The following SEC61A1 variants were observed in gnomAD, a reference collection of about 807,000 sequenced individuals.
SEC61A1 encodes the protein SEC61 translocon subunit alpha 1.
Under a neutral mutation model 55.2 loss-of-function variants are expected in SEC61A1, and 15 were observed. The observed-to-expected ratio is 0.27, with a 90% confidence interval of 0.18 to 0.42. The LOEUF is 0.42. Ranked by LOEUF, SEC61A1 falls within the 10% of genes least tolerant of loss-of-function variation. SEC61A1 has a pLI of 1.00. For missense variants in SEC61A1, 284 were observed against 602.6 expected, an observed-to-expected ratio of 0.47 and a Z score of 5.53; for synonymous variants, 247 against 234.0, an observed-to-expected ratio of 1.06 and a Z score of -0.51.
At position 128,056,854 on chromosome 3, in the gene SEC61A1, T is replaced by G. The variant is rs1456057762; in HGVS notation, c.352+14T>G. 6.5e-7 allele frequency: 1 copy of G among 1,542,890 alleles called. No individual in the cohort carries two copies. Among genetic ancestry groups the G allele is most frequent in the South Asian group, 1.3e-5 (1 of 78,552 alleles). ...GAGCCCAAAAGTGTAAGAAAGATTG[T>G]GAATAATCTGATGTCTATAGTTGGA... On this transcript the variant is annotated intron_variant, in intron 5 of 11. Transcript: ENST00000243253.
In SEC61A1 at chr3:128,052,845, G is replaced by A. The variant is rs781481608; in HGVS notation, c.18G>A (p.Leu6=). The change falls in exon 2 of 12, where the codon CTG becomes CTA. Residue 6 remains leucine, a synonymous_variant. Coordinates refer to ENST00000243253, the MANE Select transcript of SEC61A1 (RefSeq NM_013336.4). ...TTTCTCCCATCAAAGTCAAATTTCTGGAAGTCATCAAGCCCTTCTGTGTCA... is the reference window on the plus strand; with the variant it reads ...TTTCTCCCATCAAAGTCAAATTTCTAGAAGTCATCAAGCCCTTCTGTGTCA... The part of the protein sequence containing the change: MAIKF[L]EVIKPFCVIL... 7 of 1,613,692 alleles carry A rather than the reference G, an allele frequency of 4.3e-6. No individual in the cohort carries two copies. The highest frequency in any genetic ancestry group is 1.3e-5 in the African/African-American group (1 of 75,034).
intron 7 of SEC61A1, among the ~76,000 whole-genome samples, chr3:128,061,070 A>G (rs1339337433): frequency 2.6e-5 from 4 of 152,246 alleles, no homozygotes; most frequent in Non-Finnish European, 5.9e-5. Context: ...AAGTTTCTAA[A>G]AATGAAATTC....
intron 8 of SEC61A1, chr3:128,065,358 C>T (rs565583174): frequency 1.7e-6 from 1 of 579,772 alleles, no homozygotes; most frequent in East Asian, 2.8e-5. Context: ...GCTCTGAAAC[C>T]TCATTGCTCT....
chr3:128,052,474 C>G lies in SEC61A1; in HGVS notation c.-79C>G. On this transcript the variant is annotated 5_prime_UTR_variant, in exon 1 of 12. Transcript: ENST00000243253. ...GGCGGAGCTGCTGTGCAGTGGAACG[C>G]GCTGGGCCGCGGGCAGCGTCGCCTC... The G allele has an allele frequency of 4.5e-6, 7 of 1,545,770 alleles. No individual in the cohort carries two copies. The highest frequency in any genetic ancestry group is 2.4e-5 in the South Asian group (2 of 82,604).
intron 2 of SEC61A1, among the ~76,000 whole-genome samples, chr3:128,053,842 A>G (rs2107640543): frequency 6.6e-6 from 1 of 152,182 alleles, no homozygotes; most frequent in East Asian, 1.9e-4. Flanking sequence ...GAACAAGGGA[A>G]ATACGTGCAA....
In SEC61A1 at chr3:128,067,114, G is replaced by A; in HGVS notation, c.938G>A (p.Ser313Asn). The change falls in exon 9 of 12, where the codon AGT becomes AAT. Residue 313 changes from serine (S) to asparagine (N), a missense_variant. Transcript: ENST00000243253. The surrounding 1 kb of genome is among the most constrained non-coding windows in gnomAD (Gnocchi z 4.1). ...VISQMLSARF[S>N]GNLLVSLLGT... ...TCCCAAATGCTCTCAGCTCGCTTCA[G>A]TGGCAACTTGCTGGTCAGCCTGCTG... The A allele has an allele frequency of 1.9e-6, 3 of 1,614,210 alleles. No homozygotes were observed. Among genetic ancestry groups the A allele is most frequent in the Non-Finnish European group, 2.5e-6 (3 of 1,180,054 alleles).
In SEC61A1 at chr3:128,071,646, TG is replaced by T. The variant is rs1170677269; in HGVS notation, c.*1985del. 1 of 152,590 alleles carries T rather than the reference TG, an allele frequency of 6.6e-6. No individual in the cohort carries two copies. Among genetic ancestry groups the T allele is most frequent in the Non-Finnish European group, 1.5e-5 (1 of 68,026 alleles). The allele number at this position is 152,590 out of a possible 1,614,324, so 9.5% of individuals were successfully genotyped here. A position where few individuals can be genotyped will look rare whatever the true frequency, so the allele number is the denominator to read the frequency against. ...CCAAAATGGCATAACTGAGATAAGG[TG>T]AATAAGTGACAAATAAAGCCAGTTT... On this transcript the variant is annotated 3_prime_UTR_variant, in exon 12 of 12. Coordinates refer to ENST00000243253, the MANE Select transcript of SEC61A1 (RefSeq NM_013336.4).
At chr3:128,068,252 T>TAA (rs1323803247) in intron 11 of SEC61A1, among the ~76,000 whole-genome samples, 193 bp downstream of exon 11, 1 of 152,222 alleles carries the variant, frequency 6.6e-6, no homozygotes, top group African/African-American at 2.4e-5. Flanking sequence ...AATAAACACT[T>TAA]ACAGCCCCTT....
chr3:128,053,515 A>G (rs1486232260), intron 2 of SEC61A1, among the ~76,000 whole-genome samples: 1 of 152,232 alleles, frequency 6.6e-6, no homozygotes, highest in Non-Finnish European at 1.5e-5. Flanking sequence ...CTGTCAACGA[A>G]AAAAAGTTTC....
In SEC61A1 at chr3:128,060,588, C is replaced by G; in HGVS notation, c.543C>G (p.Leu181=). Residue 181 remains leucine (L), a synonymous_variant, in exon 7 of 12, where the codon CTC becomes CTG. Transcript: ENST00000243253. Reference sequence around the variant, plus strand: ...ATGGCCTTGGCTCTGGTATTTCTCTCTTCATTGCAACTAACATCTGTGAAA... The same window carrying G: ...ATGGCCTTGGCTCTGGTATTTCTCTGTTCATTGCAACTAACATCTGTGAAA... ...KGYGLGSGIS[L]FIATNICETI... is the part of the protein sequence containing the mutation. The G allele has an allele frequency of 6.2e-7, 1 of 1,614,162 alleles. No homozygotes were observed. The highest frequency in any genetic ancestry group is 8.5e-7 in the Non-Finnish European group (1 of 1,180,010).
chr3:128,052,403 G>C (rs1225928673), upstream of SEC61A1: 9 of 1,207,630 alleles, frequency 7.5e-6, no homozygotes, highest in East Asian at 6.9e-5. Flanking sequence ...CCCGCCCCGC[G>C]CCGCGCCGCG....
At chr3:128,062,730 G>C (rs969650987) in intron 7 of SEC61A1, among the ~76,000 whole-genome samples, 1 of 151,882 alleles carries the variant, frequency 6.6e-6, no homozygotes, top group Non-Finnish European at 1.5e-5. Flanking sequence ...CAGTGCTTTT[G>C]AGTTCTTTAG....
chr3:128,058,601 C>T (rs1001315700), intron 5 of SEC61A1, among the ~76,000 whole-genome samples: 1 of 152,154 alleles, frequency 6.6e-6, no homozygotes, highest in East Asian at 1.9e-4. Flanking sequence ...GTGGCTCATA[C>T]TTGTATCCCA....
chr3:128,058,615 C>T (rs1941809139), intron 5 of SEC61A1, among the ~76,000 whole-genome samples: 1 of 152,140 alleles, frequency 6.6e-6, no homozygotes, highest in Admixed American at 6.5e-5. Context: ...TATCCCAGCA[C>T]TTTGGGAGGC....
Position 128,052,442 on chromosome 3 carries a change from G to A in SEC61A1, c.-111G>A, listed in dbSNP as rs1941699293. 39 of 1,427,148 alleles carry A rather than the reference G, an allele frequency of 2.7e-5. No individual in the cohort carries two copies. In the South Asian group the frequency reaches 5.8e-4, roughly 21 times the overall value. The allele number at this position is 1,427,148 out of a possible 1,614,324, so 88.4% of individuals were successfully genotyped here. The stretch of plus-strand genomic sequence containing the variant: ...CTTGCCGCCGGGCTAGCACTGACGT[G>A]TCTCTCGGCGGAGCTGCTGTGCAGT... On this transcript the variant is annotated 5_prime_UTR_variant, in exon 1 of 12. Coordinates refer to ENST00000243253, the MANE Select transcript of SEC61A1 (RefSeq NM_013336.4).
intron 5 of SEC61A1, among the ~76,000 whole-genome samples, chr3:128,059,152 T>A (rs1290288057): frequency 1.3e-5 from 2 of 151,124 alleles, no homozygotes; most frequent in African/African-American, 4.9e-5. Flanking sequence ...TGAAATAGAG[T>A]GAGTTGTAAG....
chr3:128,069,993 C>G lies in SEC61A1; in HGVS notation c.*331C>G, dbSNP rs778149068. ...GCTGTATGCGGCTGCAGCCGTCTCA[C>G]CTGTTTCCCCACAAAGGGAATTTCT... On this transcript the variant is annotated 3_prime_UTR_variant, in exon 12 of 12. Coordinates refer to ENST00000243253, the MANE Select transcript of SEC61A1 (RefSeq NM_013336.4). The G allele has an allele frequency of 1.0e-5, 2 of 190,478 alleles. No individual in the cohort carries two copies. Among genetic ancestry groups the G allele is most frequent in the Admixed American group, 1.2e-4 (2 of 16,872 alleles). 11.8% of individuals were successfully genotyped at this position (190,478 alleles called of 1,614,324 possible).
At position 128,064,958 on chromosome 3, in the gene SEC61A1, C is replaced by T. The variant is rs1941918722; in HGVS notation, c.698C>T (p.Ala233Val). The change falls in exon 8 of 12, where the codon GCG becomes GTG. Residue 233 changes from alanine to valine, a missense_variant. Transcript: ENST00000243253. Reference sequence around the variant, plus strand: ...GACAAGGTCCGAGCCCTTCGGGAGGCGTTCTACCGCCAGAATCTTCCCAAC... The same window carrying T: ...GACAAGGTCCGAGCCCTTCGGGAGGTGTTCTACCGCCAGAATCTTCCCAAC... Reference protein sequence around the residue: ...RTDKVRALREAFYRQNLPNLM... With the variant: ...RTDKVRALREVFYRQNLPNLM... The T allele has an allele frequency of 6.2e-7, 1 of 1,614,182 alleles. No individual in the cohort carries two copies. The highest frequency in any genetic ancestry group is 8.5e-7 in the Non-Finnish European group (1 of 1,179,992).
At position 128,067,136 on chromosome 3, in the gene SEC61A1, G is replaced by C. The variant is rs149610346; in HGVS notation, c.960G>C (p.Leu320=). The C allele has an allele frequency of 7.4e-6, 12 of 1,614,218 alleles. No homozygotes were observed. The highest frequency in any genetic ancestry group is 1.6e-4 in the Middle Eastern group (1 of 6,062). ...ARFSGNLLVS[L]LGTWSDTSSG... ...TCAGTGGCAACTTGCTGGTCAGCCT[G>C]CTGGGCACCTGGTCGGTAAGTAGGC... Residue 320 remains leucine, a synonymous_variant, in exon 9 of 12, where the codon CTG becomes CTC. Coordinates refer to ENST00000243253, the MANE Select transcript of SEC61A1 (RefSeq NM_013336.4). This position sits in a 1 kb window ranked among gnomAD's most constrained non-coding sequence, Gnocchi z 4.1.
Sources: gnomAD v4.1 joint callset for allele counts (sites outside exome capture counted in the v4.1 genomes callset) on GRCh38, gnomAD v4.1.1 for gene constraint, Gnocchi (gnomAD v3.1) non-coding constraint, MANE v1.5 for transcripts, NCBI Gene and HGNC (gene_info 2026-07-23, HGNC 2026-07-21) for gene names.